The following PLD5 variants were observed in gnomAD, a reference collection of about 807,000 sequenced individuals.
PLD5 encodes the protein phospholipase D family member 5.
Under a neutral mutation model 61.1 loss-of-function variants are expected in PLD5, and 36 were observed. The ratio of observed to expected loss-of-function variants is 0.59; its 90% CI spans 0.45 to 0.78. PLD5 has a LOEUF of 0.78. PLD5 is among the 30% of genes least tolerant of loss of function. PLD5 has a pLI of 0.00. For missense variants in PLD5, 515 were observed against 644.4 expected, an observed-to-expected ratio of 0.80 and a Z score of 2.17; for synonymous variants, 243 against 242.8, an observed-to-expected ratio of 1.00 and a Z score of -0.01.
chr1:242,103,919 T>C (rs1267632204), intron 8 of PLD5, among the ~76,000 whole-genome samples: 2 of 152,236 alleles, frequency 1.3e-5, no homozygotes, highest in African/African-American at 2.4e-5. Context: ...AAAACACAGG[T>C]GAGAAGCATT....
chr1:242,154,075 G>A (rs1303036560), intron 5 of PLD5, among the ~76,000 whole-genome samples: 3 of 152,168 alleles, frequency 2.0e-5, no homozygotes, highest in South Asian at 2.1e-4. Context: ...TCCCTTGTAA[G>A]TTGTATTCCC....
chr1:242,171,314 C>T (rs1035658228), intron 5 of PLD5, among the ~76,000 whole-genome samples: 3 of 152,094 alleles, frequency 2.0e-5, no homozygotes, highest in African/African-American at 7.2e-5. Context: ...GAAATAAAAT[C>T]CTTTACAGAC....
chr1:242,459,028 G>A (rs1022138723), intron 1 of PLD5, among the ~76,000 whole-genome samples: 1 of 152,188 alleles, frequency 6.6e-6, no homozygotes, highest in African/African-American at 2.4e-5. Context: ...TGGATAAATG[G>A]CAAAAAAATT....
intron 1 of PLD5, among the ~76,000 whole-genome samples, chr1:242,352,557 T>C (rs1211684894): frequency 1.3e-5 from 2 of 152,186 alleles, no homozygotes; most frequent in Non-Finnish European, 2.9e-5. Context: ...AATCTTTGGG[T>C]AAATACCCAA....
chr1:242,273,276 A>C (rs559049002), intron 3 of PLD5, among the ~76,000 whole-genome samples: 217 of 152,042 alleles, frequency 1.4e-3, no homozygotes, highest in African/African-American at 4.8e-3. Flanking sequence ...TTATGGCTGC[A>C]TAGTATTCCA....
intron 2 of PLD5, among the ~76,000 whole-genome samples, chr1:242,334,584 A>C (rs1659393397): frequency 6.6e-6 from 1 of 152,128 alleles, no homozygotes; most frequent in Non-Finnish European, 1.5e-5. Context: ...AGCAGCCCTG[A>C]CTTGGCCCTG....
chr1:242,239,923 C>T lies in PLD5; in HGVS notation c.608-19808G>A, dbSNP rs192957442. On this transcript the variant is annotated intron_variant, in intron 4 of 9. Transcript: ENST00000536534. The stretch of plus-strand genomic sequence containing the variant: ...ACTGTACTTGGGCAAATTTGTTTAA[C>T]GAAGGGCTGCCAAAAGTTAGCTGCA... Among the ~76,000 whole-genome samples, 11 of 152,288 alleles carry T rather than the reference C, an allele frequency of 7.2e-5. No homozygotes were observed. The South Asian group carries it at 1.0e-3, about 14-fold the overall frequency.
rs545310825 is a variant in PLD5, at chr1:242,510,831, C to A, written c.189+13257G>T. On this transcript the variant is annotated intron_variant, in intron 1 of 9. Transcript: ENST00000536534. ...CTGCACTCCAGCCTGGGTGACAGAG[C>A]GAGACTCTGTCTCAAAAAAAAAAAA... Among the ~76,000 whole-genome samples, 6 of 150,764 alleles carry A rather than the reference C, an allele frequency of 4.0e-5. No individual in the cohort carries two copies. The East Asian group carries it at 1.2e-3, about 29-fold the overall frequency.
chr1:242,419,572 ATTTTTTTTTTTT>A (rs767869905), intron 1 of PLD5, among the ~76,000 whole-genome samples: 1 of 97,090 alleles, frequency 1.0e-5, no homozygotes, highest in Non-Finnish European at 1.8e-5. Context: ...AATTTTTTGC[ATTTTTTTTTTTT>A]TTTTTTTTTT....
At chr1:242,271,408 G>A (rs939029674) in intron 3 of PLD5, among the ~76,000 whole-genome samples, 1 of 152,108 alleles carries the variant, frequency 6.6e-6, no homozygotes, top group Non-Finnish European at 1.5e-5. Context: ...AAAGGTACCT[G>A]AAGGTGAAGG....
intron 2 of PLD5, among the ~76,000 whole-genome samples, chr1:242,308,965 G>A (rs1204802496): frequency 1.3e-5 from 2 of 152,106 alleles, no homozygotes; most frequent in Admixed American, 6.6e-5. Flanking sequence ...GGAGGAGCGG[G>A]GACGTAAGGG....
intron 1 of PLD5, among the ~76,000 whole-genome samples, chr1:242,385,421 C>T (rs1455558424): frequency 6.6e-6 from 1 of 152,130 alleles, no homozygotes; most frequent in Non-Finnish European, 1.5e-5. Context: ...AAATGCTAAA[C>T]TCACAGCTAT....
intron 1 of PLD5, among the ~76,000 whole-genome samples, chr1:242,368,051 G>A (rs112238955): frequency 6.6e-6 from 1 of 152,256 alleles, no homozygotes; most frequent in African/African-American, 2.4e-5. Flanking sequence ...CAATTCCACT[G>A]CCTGCATCAG....
At chr1:242,192,147 T>A (rs1407550882) in intron 5 of PLD5, 1 of 152,290 alleles carries the variant, frequency 6.6e-6, no homozygotes, top group Non-Finnish European at 1.5e-5. Context: ...CTCTTAAATT[T>A]CTTGTAGGTA....
intron 4 of PLD5, among the ~76,000 whole-genome samples, chr1:242,248,646 T>A (rs1574607600): frequency 6.6e-6 from 1 of 151,878 alleles, no homozygotes; most frequent in African/African-American, 2.4e-5. Context: ...TAGTTAAGTC[T>A]TCTGGGCAGC....
chr1:242,381,686 G>A (rs917929887), intron 1 of PLD5, among the ~76,000 whole-genome samples: 1 of 152,092 alleles, frequency 6.6e-6, no homozygotes, highest in Non-Finnish European at 1.5e-5. Flanking sequence ...CTGGCTCCCA[G>A]TATATTTAAT....
intron 4 of PLD5, among the ~76,000 whole-genome samples, chr1:242,237,873 T>G (rs994022679): frequency 6.6e-6 from 1 of 152,154 alleles, no homozygotes; most frequent in Non-Finnish European, 1.5e-5. Flanking sequence ...CATAAGTATA[T>G]CCCATAAAAC....
At chr1:242,346,020 C>CA (rs1660111258) in intron 2 of PLD5, among the ~76,000 whole-genome samples, 1 of 96,438 alleles carries the variant, frequency 1.0e-5, no homozygotes, top group Non-Finnish European at 2.1e-5. Flanking sequence ...ATCTCCCCCC[C>CA]CCCCATATAT....
intron 2 of PLD5, among the ~76,000 whole-genome samples, chr1:242,325,845 A>C (rs574573418): frequency 6.6e-6 from 1 of 152,204 alleles, no homozygotes; most frequent in Non-Finnish European, 1.5e-5. Flanking sequence ...GCCAGTTATA[A>C]GTCAGAAATT....
Sources: gnomAD v4.1 joint callset for allele counts (sites outside exome capture counted in the v4.1 genomes callset) on GRCh38, gnomAD v4.1.1 for gene constraint, MANE v1.5 for transcripts, NCBI Gene and HGNC (gene_info 2026-07-23, HGNC 2026-07-21) for gene names.